Variants in SSRP1 observed in about 807,000 individuals in gnomAD.
The protein encoded by SSRP1 is structure specific recognition protein 1.
Under a neutral mutation model 84.4 loss-of-function variants are expected in SSRP1, and 21 were observed. That is an observed-to-expected ratio of 0.25 (90% CI 0.18 to 0.36). SSRP1 has a LOEUF of 0.36. Among genes scored for constraint, SSRP1 ranks in the 10% least tolerant of loss-of-function variants. The pLI is 1.00. For synonymous variants in SSRP1, 319 were observed against 318.3 expected, an observed-to-expected ratio of 1.00 and a Z score of -0.02; for missense variants, 519 against 900.8, an observed-to-expected ratio of 0.58 and a Z score of 5.43.
chr11:57,329,933 G>C lies in SSRP1; in HGVS notation c.1481+160C>G, dbSNP rs78985848. 3,279 of 890,608 alleles carry C rather than the reference G, an allele frequency of 3.7e-3. 84 individuals carry two copies. The African/African-American group carries it at 0.049, about 13-fold the overall frequency. The allele number at this position is 890,608 out of a possible 1,614,324, so 55.2% of individuals were successfully genotyped here. ...TATGTCTTGCACTTACAAAGCCCTT[G>C]ACAATTTCCAAAACATTTTCGTATA... On this transcript the variant is annotated intron_variant, in intron 12 of 16. Coordinates refer to ENST00000278412, the MANE Select transcript of SSRP1 (RefSeq NM_003146.3).
In SSRP1 at chr11:57,327,438, T is replaced by G; in HGVS notation, c.1859A>C (p.Glu620Ala). Residue 620 changes from glutamate (E) to alanine (A), a missense_variant, in exon 15 of 17, where the codon GAG becomes GCG. Coordinates refer to ENST00000278412, the MANE Select transcript of SSRP1 (RefSeq NM_003146.3). ...TCTCGACACTCACCTCTTAGAAGAC[T>G]CGCCTCGGCCCCCTTCATATTCTTT... ...AMKEYEGGRG[E>A]SSKRDKSKKK... 1.2e-6 allele frequency: 2 copies of G among 1,614,002 alleles called. No homozygotes were observed. Among genetic ancestry groups the G allele is most frequent in the Non-Finnish European group, 1.7e-6 (2 of 1,180,008 alleles).
intron 13 of SSRP1, 97 bp downstream of exon 13, chr11:57,328,200 G>C (rs1856022223): frequency 1.3e-6 from 2 of 1,521,688 alleles, no homozygotes; most frequent in Non-Finnish European, 8.9e-7. Flanking sequence ...AGGAAGAACA[G>C]GTCCTACTGG....
At chr11:57,327,596 A>G (rs925316857) in intron 14 of SSRP1, 82 bp from the exon 15 acceptor site, 2 of 1,604,496 alleles carry the variant, frequency 1.2e-6, no homozygotes, top group Non-Finnish European at 1.7e-6. Context: ...AAATCGATAC[A>G]GAAAGTCCCA....
chr11:57,333,054 G>T lies in SSRP1; in HGVS notation c.442C>A (p.Leu148Met), dbSNP rs764280218. Reference protein sequence around the residue: ...QCTTGKNEVTLEFHQNDDAEV... With the variant: ...QCTTGKNEVTMEFHQNDDAEV... ...GCGTCATCGTTTTGGTGGAATTCCA[G>T]TGTCACCTCATTCTTGCCTGTGGTG... Residue 148 changes from leucine (L) to methionine (M), a missense_variant, in exon 5 of 17, where the codon CTG becomes ATG. This residue lies in a region of SSRP1 where 159 missense variants were observed against 359.0 expected (regional missense o/e 0.44). Coordinates refer to ENST00000278412, the MANE Select transcript of SSRP1 (RefSeq NM_003146.3). 5.0e-6 allele frequency: 8 copies of T among 1,614,166 alleles called. No individual in the cohort carries two copies. The East Asian group carries it at 6.7e-5, about 13-fold the overall frequency.
chr11:57,328,590 C>T, intron 12 of SSRP1, 164 bp from the exon 13 acceptor site: 1 of 1,005,120 alleles, frequency 9.9e-7, no homozygotes, highest in Non-Finnish European at 1.4e-6. Flanking sequence ...TTCTCCCATT[C>T]ACTGTGGTGG....
chr11:57,333,348 G>C, intron 4 of SSRP1, 87 bp downstream of exon 4: 1 of 1,261,296 alleles, frequency 7.9e-7, no homozygotes, highest in South Asian at 1.3e-5. Context: ...CAGAGACAGT[G>C]GCAGAGGGAA....
At chr11:57,326,533 CTCTTCAGTG>C in intron 16 of SSRP1, 55 bp from the exon 17 acceptor site, 1 of 1,611,010 alleles carries the variant, frequency 6.2e-7, no homozygotes, top group South Asian at 1.1e-5. Flanking sequence ...GCCCCACCCA[CTCTTCAGTG>C]AAGGGCCCGC....
intron 15 of SSRP1, chr11:57,327,099 A>T: frequency 1.1e-6 from 1 of 942,376 alleles, no homozygotes; most frequent in South Asian, 1.9e-5. Flanking sequence ...AAGCAGCCCA[A>T]TGTGCAAAAC....
rs1197656055 is a variant in SSRP1 at position 57,335,037 on chromosome 11, T to TA, written c.54+30dup. 2 of 1,610,782 alleles carry TA rather than the reference T, an allele frequency of 1.2e-6. No individual in the cohort carries two copies. Among genetic ancestry groups the TA allele is most frequent in the Non-Finnish European group, 1.7e-6 (2 of 1,179,110 alleles). On this transcript the variant is annotated intron_variant, in intron 2 of 16. Coordinates refer to ENST00000278412, the MANE Select transcript of SSRP1 (RefSeq NM_003146.3). The surrounding 1 kb of genome is among the most constrained non-coding windows in gnomAD (Gnocchi z 4.6). ...AAACTCTACCCTCCTTCCTTCTCTC[T>TA]ACTTGTATCACCTGTCCAAGCCATT...
At chr11:57,327,159 C>T (rs1856002415) in intron 15 of SSRP1, 1 of 663,678 alleles carries the variant, frequency 1.5e-6, no homozygotes, top group Non-Finnish European at 2.5e-6. Flanking sequence ...AAACTGTGCA[C>T]TGCACTCCAT....
intron 12 of SSRP1, chr11:57,329,105 C>T (rs1856040726): frequency 6.6e-6 from 1 of 152,358 alleles, no homozygotes; most frequent in Admixed American, 6.5e-5. Flanking sequence ...AACTACCTTA[C>T]ACCTGTATGC....
In SSRP1 at chr11:57,329,801, G is replaced by T. The variant is rs561670677; in HGVS notation, c.1481+292C>A. On this transcript the variant is annotated intron_variant, in intron 12 of 16. Coordinates refer to ENST00000278412, the MANE Select transcript of SSRP1 (RefSeq NM_003146.3). ...ACAACCCCCAGCAAGTAAGTGGCAA[G>T]CACCAGCTCATTCCCATTCTCTCCT... 4 of 505,804 alleles carry T rather than the reference G, an allele frequency of 7.9e-6. No individual in the cohort carries two copies. The Admixed American group carries it at 1.1e-4, about 14-fold the overall frequency. The allele number at this position is 505,804 out of a possible 1,614,324, so 31.3% of individuals were successfully genotyped here.
chr11:57,330,978 G>A lies in SSRP1; in HGVS notation c.1224-51C>T, dbSNP rs781256862. The A allele has an allele frequency of 1.3e-6, 2 of 1,586,698 alleles. No homozygotes were observed. The highest frequency in any genetic ancestry group is 1.3e-5 in the African/African-American group (1 of 74,362). On this transcript the variant is annotated intron_variant, in intron 9 of 16. Transcript: ENST00000278412. This position sits in a 1 kb window ranked among gnomAD's most constrained non-coding sequence, Gnocchi z 4.0. ...CCAGAGAGGTAGTGCCAACACAGGG[G>A]CACACTAAACAATGTTCTGATTCCA...
chr11:57,335,211 G>C lies in SSRP1; in HGVS notation c.-90C>G. On this transcript the variant is annotated 5_prime_UTR_variant, in exon 2 of 17. Transcript: ENST00000278412. The surrounding 1 kb of genome is among the most constrained non-coding windows in gnomAD (Gnocchi z 4.6). ...GGGAGCTGGGCCCCAACTCCTGAGTGGGTGTGCGGATGCTCAGCAGGTTGG... is the reference window on the plus strand; with the variant it reads ...GGGAGCTGGGCCCCAACTCCTGAGTCGGTGTGCGGATGCTCAGCAGGTTGG... The C allele has an allele frequency of 2.9e-6, 4 of 1,360,474 alleles. No individual in the cohort carries two copies. Among genetic ancestry groups the C allele is most frequent in the Non-Finnish European group, 4.2e-6 (4 of 952,168 alleles). The allele number at this position is 1,360,474 out of a possible 1,614,324, so 84.3% of individuals were successfully genotyped here.
chr11:57,327,718 C>T lies in SSRP1; in HGVS notation c.1776G>A (p.Lys592=). 5 of 1,614,058 alleles carry T rather than the reference C, an allele frequency of 3.1e-6. No homozygotes were observed. The highest frequency in any genetic ancestry group is 4.2e-6 in the Non-Finnish European group (5 of 1,180,000). The part of the protein sequence containing the change: ...GEIWKGMSKE[K]KEEWDRKAED... Reference sequence around the variant, plus strand: ...CTCCTCTGCTGCTACTCACCTCTTTCTTCTCTTTGGACATTCCCTTCCAGA... The same window carrying T: ...CTCCTCTGCTGCTACTCACCTCTTTTTTCTCTTTGGACATTCCCTTCCAGA... Residue 592 remains lysine (K), a synonymous_variant, in exon 14 of 17, where the codon AAG becomes AAA. Coordinates refer to ENST00000278412, the MANE Select transcript of SSRP1 (RefSeq NM_003146.3).
At position 57,334,615 on chromosome 11, in the gene SSRP1, T is replaced by A; in HGVS notation, c.88A>T (p.Ile30Phe). 6.2e-7 allele frequency: 1 copy of A among 1,614,192 alleles called. No homozygotes were observed. Among genetic ancestry groups the A allele is most frequent in the Non-Finnish European group, 8.5e-7 (1 of 1,180,038 alleles). Reference sequence around the variant, plus strand: ...CCTGTCTTGCTATTCTTGAAGATGATGCCCTGACGGCTCAACCTCAGTCGA... The same window carrying A: ...CCTGTCTTGCTATTCTTGAAGATGAAGCCCTGACGGCTCAACCTCAGTCGA... ...DGRLRLSRQG[I>F]IFKNSKTGKV... Residue 30 changes from isoleucine (I) to phenylalanine (F), a missense_variant, in exon 3 of 17, where the codon ATC (isoleucine) becomes TTC (phenylalanine). Ile to Phe is a conservative substitution (Grantham distance 21, BLOSUM62 0). Coordinates refer to ENST00000278412, the MANE Select transcript of SSRP1 (RefSeq NM_003146.3).
intron 16 of SSRP1, 83 bp from the exon 17 acceptor site, chr11:57,326,561 A>G (rs1035853431): frequency 3.4e-5 from 52 of 1,549,288 alleles, no homozygotes; most frequent in Non-Finnish European, 4.5e-5. Flanking sequence ...GCAATTCCCT[A>G]CCGCCCCCAA....
chr11:57,330,227 T>A lies in SSRP1; in HGVS notation c.1435+64A>T. 6.2e-7 allele frequency: 1 copy of A among 1,613,866 alleles called. No individual in the cohort carries two copies. Among genetic ancestry groups the A allele is most frequent in the Non-Finnish European group, 8.5e-7 (1 of 1,179,930 alleles). ...CACCCAGCTCTGGCCCAAGGGTGAG[T>A]CCAGCCCGGGCCACAGCGAGGAGCG... On this transcript the variant is annotated intron_variant, in intron 11 of 16. Transcript: ENST00000278412. This position sits in a 1 kb window ranked among gnomAD's most constrained non-coding sequence, Gnocchi z 4.0.
Position 57,332,931 on chromosome 11 carries a change from C to T in SSRP1, c.537+28G>A. 2 of 1,599,194 alleles carry T rather than the reference C, an allele frequency of 1.3e-6. No homozygotes were observed. Among genetic ancestry groups the T allele is most frequent in the Non-Finnish European group, 1.7e-6 (2 of 1,170,238 alleles). On this transcript the variant is annotated intron_variant, in intron 5 of 16. Coordinates refer to ENST00000278412, the MANE Select transcript of SSRP1 (RefSeq NM_003146.3). This position sits in a 1 kb window ranked among gnomAD's most constrained non-coding sequence, Gnocchi z 5.5. ...GCCAATGCCTGCTCAGCACCATCTG[C>T]TGCCAAGGCAACCAGGGGAAGCCTC...
Sources: allele counts gnomAD v4.1 joint callset, GRCh38; gene constraint gnomAD v4.1.1; regional missense constraint gnomAD v4.1.1; non-coding constraint Gnocchi (gnomAD v3.1); transcripts MANE v1.5; gene names NCBI Gene and HGNC (gene_info 2026-07-23, HGNC 2026-07-21).